The following ACSM2A variants were observed in gnomAD, a reference collection of about 807,000 sequenced individuals.
The protein encoded by ACSM2A is acyl-CoA synthetase medium chain family member 2A, also known as acyl-coenzyme A synthetase ACSM2A, mitochondrial.
ACSM2A carries 72 observed loss-of-function variants against 76.6 expected under a neutral mutation model. That is an observed-to-expected ratio of 0.94 (90% CI 0.78 to 1.14). The LOEUF is 1.14. Among genes scored for constraint, ACSM2A ranks in the 50% most tolerant of loss-of-function variants. The pLI, the probability that ACSM2A is intolerant of heterozygous loss-of-function variation, is 0.00. For synonymous variants in ACSM2A, 249 were observed against 255.9 expected, an observed-to-expected ratio of 0.97 and a Z score of 0.26; for missense variants, 684 against 708.5, an observed-to-expected ratio of 0.97 and a Z score of 0.39.
chr16:20,460,106 G>A lies in ACSM2A; in HGVS notation c.-8-1G>A. On this transcript the variant is annotated splice_acceptor_variant, in intron 1 of 13. Transcript: ENST00000573854. LOFTEE classifies it low-confidence loss of function (5UTR_SPLICE). Reference sequence around the variant, plus strand: ...ACCTGTGTCTCTTCTTTCTTTTACAGGCCTGAATATGCATTGGCTGCGAAA... The same window carrying A: ...ACCTGTGTCTCTTCTTTCTTTTACAAGCCTGAATATGCATTGGCTGCGAAA... The A allele has an allele frequency of 6.2e-7, 1 of 1,607,674 alleles. No homozygotes were observed. The highest frequency in any genetic ancestry group is 2.2e-5 in the East Asian group (1 of 44,752).
chr16:20,480,942 T>A (rs2014048490), intron 12 of ACSM2A, 21 bp downstream of exon 12: 1 of 1,613,418 alleles, frequency 6.2e-7, no homozygotes, highest in African/African-American at 1.3e-5. Flanking sequence ...AGCAGTAGCC[T>A]GGGGGTGAAC....
At chr16:20,470,588 A>G (rs1279570612) in intron 4 of ACSM2A, among the ~76,000 whole-genome samples, 2 of 152,214 alleles carry the variant, frequency 1.3e-5, no homozygotes, top group African/African-American at 4.8e-5. Context: ...CAAAATCAGG[A>G]CACTGGAGAT....
In ACSM2A at chr16:20,465,568, A is replaced by C; in HGVS notation, c.229A>C (p.Lys77Gln). Residue 77 changes from lysine (K) to glutamine (Q), a missense_variant, in exon 3 of 14, where the codon AAG (lysine) becomes CAG (glutamine). Physicochemically the swap from Lys to Gln is moderately conservative, Grantham distance 53. This residue lies in a region of ACSM2A where 519 missense variants were observed against 549.5 expected (regional missense o/e 0.94). Transcript: ENST00000573854. ...CCTGTGGTGGGTGAATGGGAAGGGG[A>C]AGGAATTAATGTGGAATTTCAGAGA... The part of the protein sequence containing the change: ...PALWWVNGKG[K>Q]ELMWNFRELS... The C allele has an allele frequency of 6.2e-7, 1 of 1,613,922 alleles. No homozygotes were observed. Among genetic ancestry groups the C allele is most frequent in the Non-Finnish European group, 8.5e-7 (1 of 1,179,870 alleles).
chr16:20,468,631 A>G (rs1292165174), intron 3 of ACSM2A, among the ~76,000 whole-genome samples: 1 of 152,222 alleles, frequency 6.6e-6, no homozygotes, highest in African/African-American at 2.4e-5. Context: ...AAATGCTAGG[A>G]TTACAGGCAT....
chr16:20,455,238 G>C (rs1240085410), intron 1 of ACSM2A, among the ~76,000 whole-genome samples: 1 of 151,238 alleles, frequency 6.6e-6, no homozygotes, highest in Non-Finnish European at 1.5e-5. Context: ...AAATAATCAA[G>C]GAAAACTTTC....
Position 20,477,421 on chromosome 16 carries a change from G to T in ACSM2A, c.1151G>T (p.Gly384Val), listed in dbSNP as rs1410075998. ...ATGAAAATCAAACCAGGATACATGG[G>T]AACGGCTGCTTCCTGTTATGATGTA... ...KTMKIKPGYM[G>V]TAASCYDVQI... The change falls in exon 9 of 14, where the codon GGA becomes GTA. Residue 384 changes from glycine (G) to valine (V), a missense_variant. Physicochemically the swap from Gly to Val is moderately radical, Grantham distance 109. This residue lies in a region of ACSM2A where 519 missense variants were observed against 549.5 expected (regional missense o/e 0.94). Coordinates refer to ENST00000573854, the MANE Select transcript of ACSM2A (RefSeq NM_001308172.2). The T allele has an allele frequency of 1.1e-5, 18 of 1,609,890 alleles. No individual in the cohort carries two copies. Among genetic ancestry groups the T allele is most frequent in the Non-Finnish European group, 1.5e-5 (18 of 1,177,634 alleles).
Position 20,471,563 on chromosome 16 carries a change from A to C in ACSM2A, c.768A>C (p.Ile256=), listed in dbSNP as rs2013406078. The change falls in exon 6 of 14, where the codon ATA becomes ATC. Residue 256 remains isoleucine, a synonymous_variant. Transcript: ENST00000573854. The part of the protein sequence containing the change: ...AGWTGLQASD[I]MWTISDTGWI... ...GGACAGGCCTGCAAGCCTCTGATAT[A>C]ATGTGGACCATATCAGACACAGGTT... 1 of 1,613,814 alleles carries C rather than the reference A, an allele frequency of 6.2e-7. No individual in the cohort carries two copies. Among genetic ancestry groups the C allele is most frequent in the South Asian group, 1.1e-5 (1 of 91,034 alleles).
intron 6 of ACSM2A, among the ~76,000 whole-genome samples, chr16:20,472,205 C>A (rs2013458608): frequency 6.6e-6 from 1 of 152,104 alleles, no homozygotes; most frequent in South Asian, 2.1e-4. Flanking sequence ...TCAGCTTGGG[C>A]TACTATAATA....
At chr16:20,466,186 A>T (rs957835070) in intron 3 of ACSM2A, among the ~76,000 whole-genome samples, 3 of 151,588 alleles carry the variant, frequency 2.0e-5, no homozygotes, top group Non-Finnish European at 4.4e-5. Flanking sequence ...TAGTTGGAAC[A>T]AGAGAGTGTC....
chr16:20,486,150 T>A (rs6416612), intron 13 of ACSM2A, among the ~76,000 whole-genome samples: 5 of 152,230 alleles, frequency 3.3e-5, no homozygotes, highest in Non-Finnish European at 7.3e-5. Context: ...AACTTAGCCT[T>A]CATAATCTCC....
At chr16:20,458,917 T>TATATATAC (rs2012417407) in intron 1 of ACSM2A, among the ~76,000 whole-genome samples, 3 of 62,496 alleles carry the variant, frequency 4.8e-5, no homozygotes, top group African/African-American at 2.6e-4. Flanking sequence ...TATATATATA[T>TATATATAC]ATATATATAT....
intron 8 of ACSM2A, 167 bp downstream of exon 8, chr16:20,475,940 A>G: frequency 1.4e-6 from 2 of 1,432,942 alleles, no homozygotes; most frequent in Non-Finnish European, 9.2e-7. Flanking sequence ...CGCACAGAAC[A>G]AAAAAGGCAA....
intron 3 of ACSM2A, among the ~76,000 whole-genome samples, chr16:20,468,048 T>C (rs142478076): frequency 6.6e-6 from 1 of 151,954 alleles, no homozygotes; most frequent in East Asian, 1.9e-4. Flanking sequence ...TTAGAAACTA[T>C]CAGAGGCGAC....
intron 1 of ACSM2A, among the ~76,000 whole-genome samples, chr16:20,457,663 C>T (rs2012272313): frequency 6.6e-6 from 1 of 152,016 alleles, no homozygotes; most frequent in South Asian, 2.1e-4. Flanking sequence ...CATGGATATA[C>T]CTTAATGTAA....
chr16:20,466,010 A>G (rs1355576580), intron 3 of ACSM2A, among the ~76,000 whole-genome samples: 2 of 152,220 alleles, frequency 1.3e-5, no homozygotes, highest in Non-Finnish European at 2.9e-5. Context: ...GTATTTAATC[A>G]GAATTATGAT....
chr16:20,480,771 G>A, intron 11 of ACSM2A, 51 bp from the exon 12 acceptor site: 1 of 1,613,536 alleles, frequency 6.2e-7, no homozygotes, highest in Non-Finnish European at 8.5e-7. Context: ...CTTCTGGAAT[G>A]GCCTAGAGGT....
At chr16:20,462,548 G>A (rs1260318788) in intron 2 of ACSM2A, among the ~76,000 whole-genome samples, 2 of 152,176 alleles carry the variant, frequency 1.3e-5, no homozygotes, top group Non-Finnish European at 2.9e-5. Context: ...AACTCTGATG[G>A]AGGCAAATTT....
intron 1 of ACSM2A, among the ~76,000 whole-genome samples, chr16:20,458,578 T>C (rs866974444): frequency 2.8e-3 from 405 of 144,452 alleles, no homozygotes; most frequent in Non-Finnish European, 4.6e-3. Flanking sequence ...TATATCCATA[T>C]AATATAGTAT....
intron 2 of ACSM2A, among the ~76,000 whole-genome samples, chr16:20,461,539 G>A (rs1596645936): frequency 1.3e-5 from 2 of 152,050 alleles, no homozygotes; most frequent in East Asian, 1.9e-4. Context: ...TGAAAACCAT[G>A]GAGAAAATAT....
Sources: allele counts gnomAD v4.1 joint callset (sites outside exome capture counted in the v4.1 genomes callset), GRCh38; gene constraint gnomAD v4.1.1; regional missense constraint gnomAD v4.1.1; transcripts MANE v1.5; gene names NCBI Gene and HGNC (gene_info 2026-07-23, HGNC 2026-07-21).